Variants in C10orf90 observed in about 807,000 individuals in gnomAD.
The protein encoded by C10orf90 is (E2-independent) E3 ubiquitin-conjugating enzyme FATS.
A neutral mutation model predicts 62.5 loss-of-function variants in C10orf90; 56 were observed. The ratio of observed to expected loss-of-function variants is 0.90; its 90% confidence interval spans 0.72 to 1.12. C10orf90 has a LOEUF of 1.12. Ranked by LOEUF, C10orf90 falls within the 50% of genes most tolerant of loss-of-function variation. The pLI is 0.00. For synonymous variants in C10orf90, 386 were observed against 340.4 expected (o/e 1.13, Z -1.47); for missense variants, 970 against 880.4 (o/e 1.10, Z -1.29).
intron 4 of C10orf90, among the ~76,000 whole-genome samples, chr10:126,498,576 C>A (rs1429429593): frequency 6.6e-6 from 1 of 152,176 alleles, no homozygotes; most frequent in African/African-American, 2.4e-5. Context: ...AATGGCCATT[C>A]AGCAGTGTGA....
At position 126,504,519 on chromosome 10, in the gene C10orf90, T is replaced by G; in HGVS notation, c.972A>C (p.Ala324=). 1 of 1,614,214 alleles carries G rather than the reference T, an allele frequency of 6.2e-7. No homozygotes were observed. Among genetic ancestry groups the G allele is most frequent in the Non-Finnish European group, 8.5e-7 (1 of 1,180,028 alleles). The part of the protein sequence containing the change: ...CERRKYWVTH[A]DDKETSFSPD... ...GAGAAAAACTGGTCTCTTTGTCGTC[T>G]GCATGGGTGACCCAGTACTTGCGTC... Residue 324 remains alanine (A), a synonymous_variant, in exon 4 of 10, where the codon GCA becomes GCC. Transcript: ENST00000488181. The surrounding 1 kb of genome is among the most constrained non-coding windows in gnomAD (Gnocchi z 4.1).
At chr10:126,660,748 TAC>T (rs1214667040) in intron 1 of C10orf90, among the ~76,000 whole-genome samples, 6 of 152,230 alleles carry the variant, frequency 3.9e-5, no homozygotes, top group Non-Finnish European at 8.8e-5. Flanking sequence ...AAAAAACAAA[TAC>T]AGATTGTGTC....
At chr10:126,646,079 C>G (rs1210344652) in intron 2 of C10orf90, among the ~76,000 whole-genome samples, 1 of 152,162 alleles carries the variant, frequency 6.6e-6, no homozygotes, top group Non-Finnish European at 1.5e-5. Context: ...GTTTTCACAT[C>G]ATTTATGTTA....
intron 2 of C10orf90, among the ~76,000 whole-genome samples, chr10:126,590,383 A>G (rs1844955387): frequency 1.3e-5 from 2 of 152,324 alleles, no homozygotes; most frequent in South Asian, 4.1e-4. Flanking sequence ...GCAACAGAAT[A>G]TACATTCTTC....
intron 1 of C10orf90, among the ~76,000 whole-genome samples, chr10:126,652,742 C>T (rs1434449995): frequency 1.3e-5 from 2 of 152,252 alleles, no homozygotes; most frequent in South Asian, 2.1e-4. Context: ...ATGTTAAATA[C>T]CCAGTTACCA....
intron 1 of C10orf90, among the ~76,000 whole-genome samples, chr10:126,660,055 G>A (rs1591181826): frequency 6.6e-6 from 1 of 152,300 alleles, no homozygotes; most frequent in East Asian, 1.9e-4. Context: ...AATCCCAAGG[G>A]CTCCTTCTAT....
chr10:126,521,949 A>C (rs1204604614), intron 2 of C10orf90, among the ~76,000 whole-genome samples: 1 of 152,204 alleles, frequency 6.6e-6, no homozygotes, highest in East Asian at 1.9e-4. Flanking sequence ...GAAGTCATTG[A>C]CTCAAACCCA....
chr10:126,573,024 C>T (rs962982358), intron 2 of C10orf90, among the ~76,000 whole-genome samples: 10 of 152,182 alleles, frequency 6.6e-5, no homozygotes, highest in African/African-American at 7.2e-5. Flanking sequence ...TGTGGCAGGA[C>T]GAGCCACAGA....
At chr10:126,560,883 A>G (rs952166432) in intron 2 of C10orf90, among the ~76,000 whole-genome samples, 1 of 152,214 alleles carries the variant, frequency 6.6e-6, no homozygotes, top group Non-Finnish European at 1.5e-5. Context: ...ATAAAAGATT[A>G]TGCTTCTTTT....
intron 8 of C10orf90, among the ~76,000 whole-genome samples, chr10:126,428,102 A>T (rs1414973760): frequency 6.6e-6 from 1 of 152,204 alleles, no homozygotes; most frequent in Non-Finnish European, 1.5e-5. Context: ...TTCGTCACAG[A>T]AGGGGCTCAC....
chr10:126,553,820 A>G (rs1476622079), intron 2 of C10orf90, among the ~76,000 whole-genome samples: 3 of 152,228 alleles, frequency 2.0e-5, no homozygotes, highest in Non-Finnish European at 4.4e-5. Flanking sequence ...GTATGACTGT[A>G]AGACAGAAGA....
At chr10:126,654,177 T>C (rs535672913) in intron 1 of C10orf90, among the ~76,000 whole-genome samples, 1 of 152,326 alleles carries the variant, frequency 6.6e-6, no homozygotes, top group African/African-American at 2.4e-5. Flanking sequence ...TCATTATCCC[T>C]AACAAGAGAG....
intron 2 of C10orf90, among the ~76,000 whole-genome samples, chr10:126,581,790 G>A (rs576096829): frequency 5.9e-5 from 9 of 152,278 alleles, no homozygotes; most frequent in Non-Finnish European, 1.0e-4. Flanking sequence ...TTTCCCAGCA[G>A]ACTTTGCTGC....
intron 1 of C10orf90, among the ~76,000 whole-genome samples, chr10:126,653,905 A>G (rs1846340113): frequency 6.6e-6 from 1 of 152,198 alleles, no homozygotes; most frequent in African/African-American, 2.4e-5. Flanking sequence ...CTTCTTGTAC[A>G]TTTCCATCGG....
intron 2 of C10orf90, among the ~76,000 whole-genome samples, chr10:126,522,313 T>C (rs76600408): frequency 6.6e-6 from 1 of 152,094 alleles, no homozygotes; most frequent in Non-Finnish European, 1.5e-5. Context: ...CTGGTACAGA[T>C]GAATCACAAC....
chr10:126,618,996 A>G (rs1388035757), intron 2 of C10orf90, among the ~76,000 whole-genome samples: 2 of 150,724 alleles, frequency 1.3e-5, no homozygotes, highest in Non-Finnish European at 2.9e-5. Flanking sequence ...CTATGCAGCC[A>G]TAAAAAAAAT....
intron 2 of C10orf90, among the ~76,000 whole-genome samples, chr10:126,547,122 A>T (rs1864511795): frequency 6.6e-6 from 1 of 151,788 alleles, no homozygotes; most frequent in African/African-American, 2.4e-5. Flanking sequence ...CCACAACAAC[A>T]AAAACAACAA....
rs146676836 is a variant in C10orf90 at position 126,526,805 on chromosome 10, T to G, written c.314-12866A>C. Among the ~76,000 whole-genome samples, 130 of 152,292 alleles carry G rather than the reference T, an allele frequency of 8.5e-4. No homozygotes were observed. In the East Asian group the frequency reaches 0.022, roughly 26 times the overall value. On this transcript the variant is annotated intron_variant, in intron 2 of 9. Coordinates refer to ENST00000488181, the MANE Select transcript of C10orf90 (RefSeq NM_001350921.2). The stretch of plus-strand genomic sequence containing the variant: ...ATCCATTCTGGACATATCCTATAAA[T>G]TGAATCATATAATATGTGGGCTTTT...
chr10:126,516,591 T>C (rs1318640180), intron 2 of C10orf90, among the ~76,000 whole-genome samples: 1 of 152,166 alleles, frequency 6.6e-6, no homozygotes, highest in Non-Finnish European at 1.5e-5. Flanking sequence ...CATAACAACA[T>C]ACAGTAAACA....
Sources: gnomAD v4.1 joint callset for allele counts (sites outside exome capture counted in the v4.1 genomes callset) on GRCh38, gnomAD v4.1.1 for gene constraint, Gnocchi (gnomAD v3.1) non-coding constraint, MANE v1.5 for transcripts, NCBI Gene and HGNC (gene_info 2026-07-23, HGNC 2026-07-21) for gene names.